The following ATP2B1 variants were observed in gnomAD, a reference collection of about 807,000 sequenced individuals.
ATP2B1 encodes plasma membrane calcium-transporting ATPase 1.
A neutral mutation model predicts 124.2 loss-of-function variants in ATP2B1; 14 were observed. The observed-to-expected ratio is 0.11, with a 90% confidence interval of 0.07 to 0.18. ATP2B1 has a LOEUF of 0.18. Ranked by LOEUF, ATP2B1 falls within the 10% of genes least tolerant of loss-of-function variation. The pLI is 1.00. For missense variants in ATP2B1, 763 were observed against 1,466.1 expected, an observed-to-expected ratio of 0.52 and a Z score of 7.83; for synonymous variants, 449 against 492.4, an observed-to-expected ratio of 0.91 and a Z score of 1.17.
chr12:89,650,573 C>A (rs1418867676), intron 2 of ATP2B1, among the ~76,000 whole-genome samples: 1 of 152,182 alleles, frequency 6.6e-6, no homozygotes, highest in Admixed American at 6.5e-5. Flanking sequence ...ATTTCAGCAA[C>A]CACCACTTAA....
chr12:89,668,866 G>GT (rs1342997565), intron 1 of ATP2B1, among the ~76,000 whole-genome samples: 1 of 152,110 alleles, frequency 6.6e-6, no homozygotes, highest in Non-Finnish European at 1.5e-5. Context: ...CAAGTTCCAA[G>GT]TAACAGTCTC....
At chr12:89,708,561 C>T (rs1451077274) in intron 1 of ATP2B1, 35 bp downstream of exon 1, 1 of 151,768 alleles carries the variant, frequency 6.6e-6, no homozygotes, top group Non-Finnish European at 1.5e-5. Context: ...TGCCCCGCCG[C>T]CCCCGGCCGC....
chr12:89,609,940 T>C lies in ATP2B1; in HGVS notation c.2439A>G (p.Ala813=). The C allele has an allele frequency of 1.2e-6, 2 of 1,612,900 alleles. No homozygotes were observed. Among genetic ancestry groups the C allele is most frequent in the Non-Finnish European group, 1.7e-6 (2 of 1,179,304 alleles). Residue 813 remains alanine, a synonymous_variant, in exon 15 of 21, where the codon GCA becomes GCG. Transcript: ENST00000428670. ...ATTTGAATGAGTAAATTCTTACCAT[T>C]GCAAATCCAACATCTGCTTTCTTTA... The part of the protein sequence containing the change: ...PALKKADVGF[A]MGIAGTDVAK...
At chr12:89,694,292 C>T (rs1197570611) in intron 1 of ATP2B1, among the ~76,000 whole-genome samples, 19 of 152,164 alleles carry the variant, frequency 1.2e-4, no homozygotes, top group Admixed American at 1.2e-3. Context: ...ACAGCTGTCA[C>T]CTTAATTTTA....
At chr12:89,630,395 T>G in intron 6 of ATP2B1, 110 bp downstream of exon 6, 1 of 1,055,116 alleles carries the variant, frequency 9.5e-7, no homozygotes, top group Admixed American at 3.7e-5. Context: ...AATCTTCTTT[T>G]AACTTTTTGT....
chr12:89,693,833 T>TA (rs1890817979), intron 1 of ATP2B1, among the ~76,000 whole-genome samples: 1 of 152,198 alleles, frequency 6.6e-6, no homozygotes, highest in African/African-American at 2.4e-5. Flanking sequence ...TCTGGCGGCT[T>TA]AGAGGGCTTT....
At chr12:89,650,874 T>C (rs1353773894) in intron 2 of ATP2B1, among the ~76,000 whole-genome samples, 2 of 151,808 alleles carry the variant, frequency 1.3e-5, no homozygotes, top group African/African-American at 2.4e-5. Flanking sequence ...AGAATATGAA[T>C]AAGAAAGTCA....
intron 4 of ATP2B1, 31 bp downstream of exon 4, chr12:89,634,966 G>A: frequency 6.2e-7 from 1 of 1,611,566 alleles, no homozygotes; most frequent in Non-Finnish European, 8.5e-7. Flanking sequence ...TATGTTTAGT[G>A]TCAGATGTAC....
chr12:89,641,232 A>T (rs1381664563), intron 3 of ATP2B1, among the ~76,000 whole-genome samples: 3 of 152,198 alleles, frequency 2.0e-5, no homozygotes, highest in African/African-American at 7.2e-5. Context: ...GCAGATAAAG[A>T]AATTTAAAAG....
At chr12:89,653,784 G>A (rs925148564) in intron 2 of ATP2B1, among the ~76,000 whole-genome samples, 12 of 152,100 alleles carry the variant, frequency 7.9e-5, no homozygotes, top group African/African-American at 2.7e-4. Context: ...AAATAATACC[G>A]TGAAAGAAAC....
In ATP2B1 at chr12:89,652,037, G is replaced by A. The variant is rs116935590; in HGVS notation, c.208+3642C>T. On this transcript the variant is annotated intron_variant, in intron 2 of 20. Transcript: ENST00000428670. Reference sequence around the variant, plus strand: ...CCATACTTGACAGAAATCCAATATCGACACCCCCAATATTTCTGATTTCCC... The same window carrying A: ...CCATACTTGACAGAAATCCAATATCAACACCCCCAATATTTCTGATTTCCC... Among the ~76,000 whole-genome samples, 168 of 152,032 alleles carry A rather than the reference G, an allele frequency of 1.1e-3. 4 individuals carry two copies. The East Asian group carries it at 0.026, about 23-fold the overall frequency.
intron 13 of ATP2B1, 38 bp from the exon 14 acceptor site, chr12:89,610,546 T>G: frequency 6.6e-7 from 1 of 1,526,122 alleles, no homozygotes; most frequent in Non-Finnish European, 9.1e-7. Flanking sequence ...TGCCCAAACA[T>G]AGTTTCTTAA....
intron 1 of ATP2B1, among the ~76,000 whole-genome samples, chr12:89,693,358 T>A (rs1443913782): frequency 6.6e-6 from 1 of 152,208 alleles, no homozygotes; most frequent in South Asian, 2.1e-4. Context: ...TGGAGCAGTA[T>A]AGAAGGCTCA....
At chr12:89,664,445 C>T (rs1046883146) in intron 1 of ATP2B1, among the ~76,000 whole-genome samples, 2 of 152,094 alleles carry the variant, frequency 1.3e-5, no homozygotes, top group African/African-American at 4.8e-5. Flanking sequence ...TCATCTTATC[C>T]CAAACATTTA....
At position 89,626,312 on chromosome 12, in the gene ATP2B1, T is replaced by C. The variant is rs1219712241; in HGVS notation, c.1129+142A>G. The C allele has an allele frequency of 6.6e-6, 6 of 905,522 alleles. No homozygotes were observed. In the African/African-American group the frequency reaches 6.7e-5, roughly 10 times the overall value. 56.1% of individuals were successfully genotyped at this position (905,522 alleles called of 1,614,324 possible). On this transcript the variant is annotated intron_variant, in intron 8 of 20. Transcript: ENST00000428670. ...ATAGTAACTCAAAGGGCCTGGTGCA[T>C]TGTAGCTAGAACTGAAAATATTTCA... is the stretch of plus-strand genomic sequence containing the variant.
At chr12:89,679,341 G>A (rs1889061985) in intron 1 of ATP2B1, among the ~76,000 whole-genome samples, 1 of 152,136 alleles carries the variant, frequency 6.6e-6, no homozygotes, top group Admixed American at 6.5e-5. Context: ...CCTGGTCTAA[G>A]GCAACCAGTT....
intron 3 of ATP2B1, among the ~76,000 whole-genome samples, chr12:89,636,937 A>G (rs1387427197): frequency 6.6e-6 from 1 of 152,226 alleles, no homozygotes; most frequent in Non-Finnish European, 1.5e-5. Flanking sequence ...TTAACAGTCA[A>G]GGCTGTAAGA....
At chr12:89,604,403 G>C in intron 15 of ATP2B1, 57 bp from the exon 16 acceptor site, 4 of 1,367,606 alleles carry the variant, frequency 2.9e-6, no homozygotes, top group Non-Finnish European at 4.0e-6. Flanking sequence ...CTTTCAAATA[G>C]TCAAAAAATA....
chr12:89,649,545 T>C (rs1884965404), intron 2 of ATP2B1, among the ~76,000 whole-genome samples: 1 of 152,232 alleles, frequency 6.6e-6, no homozygotes, highest in African/African-American at 2.4e-5. Context: ...TAGCTTGTTT[T>C]TGATCTCACA....
Sources: gnomAD v4.1 joint callset for allele counts (sites outside exome capture counted in the v4.1 genomes callset) on GRCh38, gnomAD v4.1.1 for gene constraint, MANE v1.5 for transcripts, NCBI Gene and HGNC (gene_info 2026-07-23, HGNC 2026-07-21) for gene names.